PPP2R1B: variants seen among roughly 807,000 people sequenced by gnomAD.
PPP2R1B encodes serine/threonine-protein phosphatase 2A 65 kDa regulatory subunit A beta isoform.
Under a neutral mutation model 72.7 loss-of-function variants are expected in PPP2R1B, and 58 were observed. The ratio of observed to expected loss-of-function variants is 0.80; its 90% CI spans 0.65 to 0.99. PPP2R1B has a LOEUF of 0.99. Among genes scored for constraint, PPP2R1B ranks in the 50% least tolerant of loss-of-function variants. The pLI is 0.00. For synonymous variants in PPP2R1B, 256 were observed against 264.6 expected (o/e 0.97, Z 0.32); for missense variants, 695 against 733.6 (o/e 0.95, Z 0.61).
chr11:111,753,857 A>G (rs936507315), intron 8 of PPP2R1B, among the ~76,000 whole-genome samples: 2 of 151,698 alleles, frequency 1.3e-5, no homozygotes, highest in South Asian at 4.2e-4. Flanking sequence ...GGGTTCATGC[A>G]ATCCTCTTAC....
intron 8 of PPP2R1B, among the ~76,000 whole-genome samples, chr11:111,754,083 A>C (rs1945012909): frequency 6.6e-6 from 1 of 151,430 alleles, no homozygotes. Flanking sequence ...GGCTCAACTA[A>C]TTTTTGTATT....
chr11:111,757,132 A>G (rs1347095357), intron 5 of PPP2R1B, among the ~76,000 whole-genome samples: 1 of 151,690 alleles, frequency 6.6e-6, no homozygotes, highest in Non-Finnish European at 1.5e-5. Flanking sequence ...AAAAACACCG[A>G]AAAAAAAGAA....
intron 3 of PPP2R1B, among the ~76,000 whole-genome samples, chr11:111,763,608 T>C (rs546485734): frequency 1.3e-3 from 204 of 152,238 alleles, no homozygotes; most frequent in African/African-American, 4.5e-3. Context: ...GTAGACTCTA[T>C]AGGAATTACT....
At chr11:111,704,176 C>T in the PPP2R1B span, among the ~76,000 whole-genome samples, 159 of 152,188 alleles carry the variant, frequency 1.0e-3, 3 homozygotes, top group Non-Finnish European at 3.2e-4. Context: ...GCTCACTTTG[C>T]GCCCAGTGAT....
intron 12 of PPP2R1B, 81 bp from the exon 13 acceptor site, chr11:111,742,746 G>T: frequency 7.8e-7 from 1 of 1,277,482 alleles, no homozygotes; most frequent in South Asian, 1.8e-5. Flanking sequence ...TATTTAATAA[G>T]AAAATAATTG....
chr11:111,693,851 G>A, the PPP2R1B span, among the ~76,000 whole-genome samples: 1 of 152,176 alleles, frequency 6.6e-6, no homozygotes, highest in African/African-American at 2.4e-5. Flanking sequence ...ACAGGGAGTC[G>A]ATGTAGGGTA....
chr11:111,751,019 A>G (rs1416144087), intron 10 of PPP2R1B, among the ~76,000 whole-genome samples: 1 of 152,038 alleles, frequency 6.6e-6, no homozygotes, highest in Non-Finnish European at 1.5e-5. Flanking sequence ...TTGTATTTTT[A>G]GTAGAGATGG....
At chr11:111,750,163 A>G (rs183889665) in intron 10 of PPP2R1B, among the ~76,000 whole-genome samples, 150 of 152,356 alleles carry the variant, frequency 9.8e-4, no homozygotes, top group African/African-American at 3.2e-3. Flanking sequence ...AATGCCACAG[A>G]CATCCACAAA....
chr11:111,719,730 C>A, the PPP2R1B span: 1 of 1,565,086 alleles, frequency 6.4e-7, no homozygotes, highest in Non-Finnish European at 8.7e-7. Context: ...ATTTTTCTGT[C>A]TCAGCAGTGC....
intron 3 of PPP2R1B, among the ~76,000 whole-genome samples, chr11:111,763,884 A>G (rs377166200): frequency 1.3e-5 from 2 of 151,662 alleles, no homozygotes; most frequent in African/African-American, 4.8e-5. Context: ...ATATATATTC[A>G]TACTTATCTA....
the PPP2R1B span, among the ~76,000 whole-genome samples, chr11:111,707,289 T>G: frequency 2.0e-5 from 3 of 152,362 alleles, no homozygotes; most frequent in East Asian, 5.8e-4. Context: ...CAGTTGTTCC[T>G]GAGCACGTGC....
intron 13 of PPP2R1B, 31 bp from the exon 14 acceptor site, chr11:111,742,175 CA>C: frequency 2.0e-6 from 3 of 1,528,410 alleles, no homozygotes; most frequent in Non-Finnish European, 2.7e-6. Flanking sequence ...CTGTGAAAGA[CA>C]GTCTAATGGG....
At chr11:111,697,424 T>C in the PPP2R1B span, among the ~76,000 whole-genome samples, 1 of 152,192 alleles carries the variant, frequency 6.6e-6, no homozygotes, top group Admixed American at 6.5e-5. Context: ...TCTGATGGGA[T>C]AGACAGATAA....
At chr11:111,762,605 A>C (rs1945367453) in intron 3 of PPP2R1B, among the ~76,000 whole-genome samples, 2 of 149,574 alleles carry the variant, frequency 1.3e-5, no homozygotes, top group African/African-American at 5.0e-5. Context: ...GCCCAGGCTG[A>C]AGTGCAGTGG....
Position 111,738,873 on chromosome 11 carries a change from G to A in PPP2R1B, c.*2723C>T. The A allele has an allele frequency of 6.3e-6, 6 of 959,790 alleles. No homozygotes were observed. In the South Asian group the frequency reaches 3.0e-4, roughly 48 times the overall value. 59.5% of individuals were successfully genotyped at this position (959,790 alleles called of 1,614,324 possible). On this transcript the variant is annotated 3_prime_UTR_variant, in exon 15 of 15. Coordinates refer to ENST00000527614, the MANE Select transcript of PPP2R1B (RefSeq NM_002716.5). Reference sequence around the variant, plus strand: ...TGCTGAGACATTTTTATTGGCATAGGTTATATGTTTGTGTGTGTGTGTGTG... The same window carrying A: ...TGCTGAGACATTTTTATTGGCATAGATTATATGTTTGTGTGTGTGTGTGTG...
At chr11:111,722,842 T>G, downstream of PPP2R1B, 1 of 1,246,402 alleles carries the variant, frequency 8.0e-7, no homozygotes, top group Non-Finnish European at 1.2e-6. This position sits in a 1 kb window ranked among gnomAD's most constrained non-coding sequence, Gnocchi z 4.4. Flanking sequence ...TCCTCTCACA[T>G]TCGCCACTAC....
In PPP2R1B at chr11:111,755,423, C is replaced by T. The variant is rs1945069822; in HGVS notation, c.715G>A (p.Ala239Thr). The change falls in exon 6 of 15, where the codon GCT (alanine) becomes ACT (threonine). Residue 239 changes from alanine to threonine, a missense_variant. Coordinates refer to ENST00000527614, the MANE Select transcript of PPP2R1B (RefSeq NM_002716.5). ...AATAACTGGGCAATACTGACACAAG[C>T]TTCCACAGCAAGGAGGCGCACTGAA... is the stretch of plus-strand genomic sequence containing the variant. ...QDSVRLLAVE[A>T]CVSIAQLLSQ... 1 of 1,608,982 alleles carries T rather than the reference C, an allele frequency of 6.2e-7. No individual in the cohort carries two copies. Among genetic ancestry groups the T allele is most frequent in the African/African-American group, 1.3e-5 (1 of 74,492 alleles).
At chr11:111,764,771 G>A in intron 3 of PPP2R1B, 34 bp downstream of exon 3, 1 of 1,602,884 alleles carries the variant, frequency 6.2e-7, no homozygotes. Flanking sequence ...TGCAAAAGTT[G>A]TAGAAGGAGG....
At chr11:111,733,870 A>G (rs1386258519), downstream of PPP2R1B, among the ~76,000 whole-genome samples, 1 of 152,212 alleles carries the variant, frequency 6.6e-6, no homozygotes, top group Non-Finnish European at 1.5e-5. Context: ...GGCTAGGCAC[A>G]GAGCAAGCCT....
Sources: gnomAD v4.1 joint callset for allele counts (sites outside exome capture counted in the v4.1 genomes callset) on GRCh38, gnomAD v4.1.1 for gene constraint, Gnocchi (gnomAD v3.1) non-coding constraint, MANE v1.5 for transcripts, NCBI Gene and HGNC (gene_info 2026-07-23, HGNC 2026-07-21) for gene names.